Variants in EBF2 observed in about 807,000 individuals in gnomAD.
The protein encoded by EBF2 is EBF transcription factor 2.
Under a neutral mutation model 72.8 loss-of-function variants are expected in EBF2, and 21 were observed. That is an observed-to-expected ratio of 0.29 (90% CI 0.20 to 0.42). The LOEUF is 0.42. EBF2 is among the 10% of genes least tolerant of loss of function. The pLI is 1.00. For synonymous variants in EBF2, 299 were observed against 274.2 expected (o/e 1.09, Z -0.89); for missense variants, 637 against 731.2 (o/e 0.87, Z 1.49).
At position 26,044,964 on chromosome 8, in the gene EBF2, G is replaced by T. The variant is rs1242971790; in HGVS notation, c.-105C>A. Reference sequence around the variant, plus strand: ...AATCGTCTCCTCCAAAGCAATCCAAGAAAAGGGATCAAGTGCCCAAGTTTG... The same window carrying T: ...AATCGTCTCCTCCAAAGCAATCCAATAAAAGGGATCAAGTGCCCAAGTTTG... On this transcript the variant is annotated 5_prime_UTR_variant, in exon 1 of 16. Transcript: ENST00000520164. This position sits in a 1 kb window ranked among gnomAD's most constrained non-coding sequence, Gnocchi z 4.1. The T allele has an allele frequency of 1.6e-6, 2 of 1,230,648 alleles. No individual in the cohort carries two copies. Among genetic ancestry groups the T allele is most frequent in the Non-Finnish European group, 2.2e-6 (2 of 909,746 alleles). 76.2% of individuals were successfully genotyped at this position (1,230,648 alleles called of 1,614,324 possible).
At chr8:25,871,333 C>T (rs967440804) in intron 10 of EBF2, among the ~76,000 whole-genome samples, 3 of 152,154 alleles carry the variant, frequency 2.0e-5, no homozygotes, top group African/African-American at 7.2e-5. Flanking sequence ...CCTTGCCTAC[C>T]ACATGGAGTG....
At chr8:25,844,758 G>T (rs1801798446) in intron 15 of EBF2, 118 bp from the exon 16 acceptor site, 3 of 1,327,582 alleles carry the variant, frequency 2.3e-6, no homozygotes, top group Non-Finnish European at 3.2e-6. Flanking sequence ...CAAGGAGATG[G>T]TGCCCTCAGC....
At chr8:25,933,097 A>G (rs560285236) in intron 6 of EBF2, among the ~76,000 whole-genome samples, 1 of 152,228 alleles carries the variant, frequency 6.6e-6, no homozygotes, top group Non-Finnish European at 1.5e-5. Flanking sequence ...CCCCCTTCCA[A>G]CAGGTCTCGT....
chr8:25,873,570 A>T (rs947188323), intron 10 of EBF2, among the ~76,000 whole-genome samples: 1 of 152,234 alleles, frequency 6.6e-6, no homozygotes, highest in Non-Finnish European at 1.5e-5. Context: ...GCCTTTGTGG[A>T]CACAGGAACA....
chr8:25,859,734 T>TTTTTTTTTG (rs1183390975), intron 13 of EBF2, among the ~76,000 whole-genome samples: 1 of 151,106 alleles, frequency 6.6e-6, no homozygotes, highest in African/African-American at 2.5e-5. Flanking sequence ...TTTTTTTTTT[T>TTTTTTTTTG]GAGACAAGAT....
At chr8:25,976,338 TA>T (rs1475608460) in intron 6 of EBF2, among the ~76,000 whole-genome samples, 1 of 152,216 alleles carries the variant, frequency 6.6e-6, no homozygotes, top group Non-Finnish European at 1.5e-5. Context: ...AATAGATGGT[TA>T]TTAAGCACTG....
chr8:25,912,311 C>A (rs1258870691), intron 6 of EBF2, among the ~76,000 whole-genome samples: 1 of 152,086 alleles, frequency 6.6e-6, no homozygotes, highest in African/African-American at 2.4e-5. Flanking sequence ...TTGCATGTTT[C>A]CTGCACCAAT....
At position 25,850,758 on chromosome 8, in the gene EBF2, A is replaced by G; in HGVS notation, c.1532T>C (p.Met511Thr). 1 of 1,557,458 alleles carries G rather than the reference A, an allele frequency of 6.4e-7. No individual in the cohort carries two copies. Among genetic ancestry groups the G allele is most frequent in the Non-Finnish European group, 8.6e-7 (1 of 1,159,672 alleles). ...AGACCCAACGGTGGGACTTGATGAC[A>G]TGACTGGAAAGCAAATGCACAATCC... ...GSPTGSPYGI[M>T]SSSPTVGSSS... The change falls in exon 15 of 16, where the codon ATG (methionine) becomes ACG (threonine). Residue 511 changes from methionine to threonine, a missense_variant. Around this residue, in one of 3 missense-constraint regions of EBF2, gnomAD observed 259 missense variants for 268.1 expected, o/e 0.97. Coordinates refer to ENST00000520164, the MANE Select transcript of EBF2 (RefSeq NM_022659.4).
intron 6 of EBF2, among the ~76,000 whole-genome samples, chr8:25,929,813 G>A (rs1342349937): frequency 2.0e-5 from 3 of 152,038 alleles, no homozygotes; most frequent in East Asian, 3.9e-4. Flanking sequence ...GCACAGATCC[G>A]GGTATCAGTG....
chr8:25,901,370 C>T, intron 7 of EBF2, among the ~76,000 whole-genome samples: 1 of 146,598 alleles, frequency 6.8e-6, no homozygotes, highest in Non-Finnish European at 1.5e-5. Context: ...TGCAGTGAGC[C>T]AAGATTGTAC....
Position 25,887,948 on chromosome 8 carries a change from C to A in EBF2, c.776G>T (p.Ser259Ile), listed in dbSNP as rs773065321. The change falls in exon 9 of 16, where the codon AGC (serine) becomes ATC (isoleucine). Residue 259 changes from serine (S) to isoleucine (I), a missense_variant. By Grantham distance (142) the Ser-to-Ile change is moderately radical. Around this residue, in one of 3 missense-constraint regions of EBF2, gnomAD observed 204 missense variants for 301.2 expected, o/e 0.68. Transcript: ENST00000520164. Reference sequence around the variant, plus strand: ...TCCTGTGGTCCAGCCTTCACTCGGGCTAATGGCTTTGATGCAGGGGGTAGC... The same window carrying A: ...TCCTGTGGTCCAGCCTTCACTCGGGATAATGGCTTTGATGCAGGGGGTAGC... ...SEATPCIKAISPSEGWTTGGA... is the reference protein window; with the variant it reads ...SEATPCIKAIIPSEGWTTGGA... 6.2e-7 allele frequency: 1 copy of A among 1,613,036 alleles called. No homozygotes were observed. Among genetic ancestry groups the A allele is most frequent in the South Asian group, 1.1e-5 (1 of 90,890 alleles).
intron 6 of EBF2, among the ~76,000 whole-genome samples, chr8:26,027,635 T>C (rs1405643059): frequency 6.8e-4 from 2 of 2,938 alleles, no homozygotes; most frequent in Admixed American, 4.1e-3. Flanking sequence ...CCCCAAAGAA[T>C]TGAAAGCAGA....
intron 5 of EBF2, among the ~76,000 whole-genome samples, chr8:26,039,179 A>G (rs1467803083): frequency 6.6e-6 from 1 of 151,678 alleles, no homozygotes; most frequent in South Asian, 2.1e-4. Context: ...CTCAATAAAC[A>G]TTTGTTGAAA....
rs530901146 is a variant in EBF2 at position 25,969,868 on chromosome 8, C to T, written c.552-61313G>A. ...TACAGGCACATGCCACCGTGCCTGA[C>T]AGCAATATCTGTTTCTTGGGGTTGT... On this transcript the variant is annotated intron_variant, in intron 6 of 15. Transcript: ENST00000520164. Among the ~76,000 whole-genome samples, 37 of 152,318 alleles carry T rather than the reference C, an allele frequency of 2.4e-4. No individual in the cohort carries two copies. In the South Asian group the frequency reaches 7.7e-3, roughly 32 times the overall value.
intron 6 of EBF2, among the ~76,000 whole-genome samples, chr8:25,940,632 AT>A (rs1382323492): frequency 3.6e-5 from 5 of 138,274 alleles, no homozygotes; most frequent in South Asian, 2.3e-4. Flanking sequence ...AAAAAAAAAA[AT>A]AAAAAAAAAA....
rs181928271 is a variant in EBF2, at chr8:25,976,286, T to C, written c.551+56799A>G. Among the ~76,000 whole-genome samples the C allele has an allele frequency of 1.4e-3, 214 of 152,334 alleles. 1 individual carries two copies. Among genetic ancestry groups the C allele is most frequent in the African/African-American group, 5.1e-3 (210 of 41,580 alleles). The stretch of plus-strand genomic sequence containing the variant: ...TTTTTCCATGTTCTTTCACATGCTG[T>C]AATGGAGATCCGTAAAATTTTGCCA... On this transcript the variant is annotated intron_variant, in intron 6 of 15. Transcript: ENST00000520164.
intron 5 of EBF2, among the ~76,000 whole-genome samples, chr8:26,039,255 TG>T (rs11400252): frequency 3.1e-4 from 46 of 149,432 alleles, no homozygotes; most frequent in African/African-American, 7.4e-4. Flanking sequence ...AAAAAAAGGG[TG>T]GGGGGGGAAT....
At chr8:26,042,052 G>T in intron 2 of EBF2, 43 bp downstream of exon 2, 1 of 1,601,424 alleles carries the variant, frequency 6.2e-7, no homozygotes, top group Non-Finnish European at 8.5e-7. Flanking sequence ...TTCGCAAGAG[G>T]GAGTTATTAG....
At position 26,005,474 on chromosome 8, in the gene EBF2, A is replaced by AT. The variant is rs1255259247; in HGVS notation, c.551+27610dup. On this transcript the variant is annotated intron_variant, in intron 6 of 15. Transcript: ENST00000520164. ...TATATTATATATTATAAAATATAAT[A>AT]TTATTTATAAAATATATATTATAAA... Among the ~76,000 whole-genome samples, 145 of 14,560 alleles carry AT rather than the reference A, an allele frequency of 1.0e-2. 8 individuals are homozygous for AT. The East Asian group carries it at 0.28, about 29-fold the overall frequency. The allele number at this position is 14,560 out of a possible 152,430, so 9.6% of individuals were successfully genotyped here. A position where few individuals can be genotyped will look rare whatever the true frequency, so the allele number is the denominator to read the frequency against.
Sources: gnomAD v4.1 joint callset for allele counts (sites outside exome capture counted in the v4.1 genomes callset) on GRCh38, gnomAD v4.1.1 for gene constraint, gnomAD v4.1.1 regional missense constraint, Gnocchi (gnomAD v3.1) non-coding constraint, MANE v1.5 for transcripts, NCBI Gene and HGNC (gene_info 2026-07-23, HGNC 2026-07-21) for gene names.